The following GIT1 variants were observed in gnomAD, a reference collection of about 807,000 sequenced individuals.
The protein encoded by GIT1 is GIT ArfGAP 1, also known as ARF GTPase-activating protein GIT1.
A neutral mutation model predicts 91.7 loss-of-function variants in GIT1; 14 were observed. The ratio of observed to expected loss-of-function variants is 0.15; its 90% CI spans 0.10 to 0.24. GIT1 has a LOEUF of 0.24. Ranked by LOEUF, GIT1 falls within the 10% of genes least tolerant of loss-of-function variation. GIT1 has a pLI of 1.00. For synonymous variants in GIT1, 414 were observed against 418.2 expected, an observed-to-expected ratio of 0.99 and a Z score of 0.12; for missense variants, 717 against 1,024.9, an observed-to-expected ratio of 0.70 and a Z score of 4.10.
Position 29,589,282 on chromosome 17 carries a change from G to C in GIT1, c.52+45C>G. On this transcript the variant is annotated intron_variant, in intron 1 of 19. Coordinates refer to ENST00000225394, the MANE Select transcript of GIT1 (RefSeq NM_014030.4). This position sits in a 1 kb window ranked among gnomAD's most constrained non-coding sequence, Gnocchi z 5.2. ...TGCCAGGCCCCGGCGCCCGCCCGGCGGCGGCCTGGCTGTGCGGTCCCGCCC... is the reference window on the plus strand; with the variant it reads ...TGCCAGGCCCCGGCGCCCGCCCGGCCGCGGCCTGGCTGTGCGGTCCCGCCC... The C allele has an allele frequency of 1.1e-6, 1 of 903,772 alleles. No homozygotes were observed. Among genetic ancestry groups the C allele is most frequent in the African/African-American group, 1.8e-5 (1 of 55,196 alleles). The allele number at this position is 903,772 out of a possible 1,614,324, so 56.0% of individuals were successfully genotyped here.
In GIT1 at chr17:29,575,782, C is replaced by A. The variant is rs981847487; in HGVS notation, c.1752+30G>T. On this transcript the variant is annotated intron_variant, in intron 16 of 19. Transcript: ENST00000225394. The surrounding 1 kb of genome is among the most constrained non-coding windows in gnomAD (Gnocchi z 5.5). The stretch of plus-strand genomic sequence containing the variant: ...CCCTAGCCCACACGGCCCCCAGCCA[C>A]CCTGTGGGCACTGGGCATGGAAACA... 6.2e-7 allele frequency: 1 copy of A among 1,609,366 alleles called. No homozygotes were observed. Among genetic ancestry groups the A allele is most frequent in the African/African-American group, 1.3e-5 (1 of 74,818 alleles).
At chr17:29,577,798 G>T in intron 9 of GIT1, 56 bp from the exon 10 acceptor site, 1 of 1,083,384 alleles carries the variant, frequency 9.2e-7, no homozygotes, top group Non-Finnish European at 1.4e-6. Context: ...CCAAGGTGGG[G>T]GTGGGGAAGC....
intron 9 of GIT1, 112 bp downstream of exon 9, chr17:29,578,187 C>A (rs2033278503): frequency 3.4e-6 from 3 of 873,934 alleles, no homozygotes; most frequent in Middle Eastern, 2.2e-4. Context: ...CATCTGCAGG[C>A]CTCTGAGCAG....
In GIT1 at chr17:29,574,482, G is replaced by A; in HGVS notation, c.*220C>T. On this transcript the variant is annotated 3_prime_UTR_variant, in exon 20 of 20. Transcript: ENST00000225394. ...GGGAGATGCTATATACAGAGGGGAG[G>A]TGCATGGAATGTGGGGGACAGAAGC... 1.6e-6 allele frequency: 1 copy of A among 614,502 alleles called. No homozygotes were observed. Among genetic ancestry groups the A allele is most frequent in the Middle Eastern group, 3.5e-4 (1 of 2,882 alleles). The allele number at this position is 614,502 out of a possible 1,614,324, so 38.1% of individuals were successfully genotyped here.
intron 1 of GIT1, among the ~76,000 whole-genome samples, chr17:29,587,692 T>A (rs895319872): frequency 6.6e-6 from 1 of 152,094 alleles, no homozygotes; most frequent in East Asian, 1.9e-4. Flanking sequence ...CCATTTCTAC[T>A]CCAACTTCTT....
rs773309128 is a variant in GIT1 at position 29,576,990 on chromosome 17, A to G, written c.1100T>C (p.Leu367Pro). 8.5e-5 allele frequency: 137 copies of G among 1,603,224 alleles called. 2 individuals are homozygous for G. The Middle Eastern group carries it at 3.5e-3, about 41-fold the overall frequency. Residue 367 changes from leucine to proline, a missense_variant, in exon 12 of 20, where the codon CTC becomes CCC. Coordinates refer to ENST00000225394, the MANE Select transcript of GIT1 (RefSeq NM_014030.4). ...GKSLSSPTDN[L>P]ELSLRSQSDL... ...ACTCTGGCTCCGCAGAGACAGCTCG[A>G]GGTTGTCTGAGGACACAGGAGTGTC...
At chr17:29,584,446 A>G (rs960360575) in intron 1 of GIT1, among the ~76,000 whole-genome samples, 1 of 152,138 alleles carries the variant, frequency 6.6e-6, no homozygotes, top group African/African-American at 2.4e-5. Context: ...AACTTGGGAG[A>G]AGAAGCAGGG....
intron 4 of GIT1, among the ~76,000 whole-genome samples, 161 bp downstream of exon 4, chr17:29,582,537 G>A (rs1054292463): frequency 6.6e-6 from 1 of 152,158 alleles, no homozygotes; most frequent in African/African-American, 2.4e-5. Context: ...AGCCACACAC[G>A]GCCTGACCCA....
chr17:29,587,007 A>C (rs2033614850), intron 1 of GIT1, among the ~76,000 whole-genome samples: 1 of 152,154 alleles, frequency 6.6e-6, no homozygotes, highest in African/African-American at 2.4e-5. Flanking sequence ...GACAGGCTGC[A>C]TCTCACCTCT....
intron 1 of GIT1, among the ~76,000 whole-genome samples, chr17:29,586,674 C>A (rs1351795006): frequency 6.6e-6 from 1 of 152,218 alleles, no homozygotes; most frequent in Admixed American, 6.5e-5. Context: ...ACAGGACAGG[C>A]ATCTTGAGGC....
chr17:29,587,879 A>C (rs1294367770), intron 1 of GIT1, among the ~76,000 whole-genome samples: 1 of 152,040 alleles, frequency 6.6e-6, no homozygotes, highest in Non-Finnish European at 1.5e-5. Context: ...AACAGTGGGG[A>C]GACATTTATA....
At chr17:29,586,147 C>T (rs904101839) in intron 1 of GIT1, among the ~76,000 whole-genome samples, 1 of 152,108 alleles carries the variant, frequency 6.6e-6, no homozygotes, top group African/African-American at 2.4e-5. Context: ...CTGGGGTGCA[C>T]GGACTGGGAG....
chr17:29,583,124 C>T (rs111250803), intron 2 of GIT1, 87 bp from the exon 3 acceptor site: 29 of 904,048 alleles, frequency 3.2e-5, no homozygotes, highest in Admixed American at 1.1e-4. Context: ...CTGTGGCTGG[C>T]GTAGCTGGAA....
Position 29,581,218 on chromosome 17 carries a change from A to G in GIT1, c.761+120T>C. On this transcript the variant is annotated intron_variant, in intron 7 of 19. Coordinates refer to ENST00000225394, the MANE Select transcript of GIT1 (RefSeq NM_014030.4). This position sits in a 1 kb window ranked among gnomAD's most constrained non-coding sequence, Gnocchi z 4.8. ...GGACTGAGGACTAAGCTGTGCCTCT[A>G]GTCTCTGGGGGGAGGGAGCAGGGTC... is the stretch of plus-strand genomic sequence containing the variant. The G allele has an allele frequency of 2.6e-6, 2 of 757,996 alleles. No homozygotes were observed. The highest frequency in any genetic ancestry group is 1.4e-5 in the South Asian group (1 of 70,210). The allele number at this position is 757,996 out of a possible 1,614,324, so 47.0% of individuals were successfully genotyped here.
Position 29,589,477 on chromosome 17 carries a change from C to T in GIT1, c.-99G>A. On this transcript the variant is annotated 5_prime_UTR_variant, in exon 1 of 20. Transcript: ENST00000225394. This position sits in a 1 kb window ranked among gnomAD's most constrained non-coding sequence, Gnocchi z 5.2. The stretch of plus-strand genomic sequence containing the variant: ...CGGCCCCTGCTGCCCGGCCCGGCTC[C>T]GGCGAGGCCCCGGCGAGGCTCCGCG... The T allele has an allele frequency of 2.8e-6, 1 of 363,018 alleles. No homozygotes were observed. Among genetic ancestry groups the T allele is most frequent in the African/African-American group, 2.2e-5 (1 of 44,770 alleles). 22.5% of individuals were successfully genotyped at this position (363,018 alleles called of 1,614,324 possible). A position where few individuals can be genotyped will look rare whatever the true frequency, so the allele number is the denominator to read the frequency against.
At chr17:29,576,836 G>C in intron 12 of GIT1, 27 bp downstream of exon 12, 1 of 1,577,630 alleles carries the variant, frequency 6.3e-7, no homozygotes, top group Non-Finnish European at 8.6e-7. Flanking sequence ...GGGCACAGGG[G>C]AGTGGGAAGG....
At position 29,577,141 on chromosome 17, in the gene GIT1, G is replaced by A. The variant is rs2033239407; in HGVS notation, c.1088C>T (p.Pro363Leu). The A allele has an allele frequency of 6.2e-7, 1 of 1,613,326 alleles. No individual in the cohort carries two copies. Among genetic ancestry groups the A allele is most frequent in the African/African-American group, 1.3e-5 (1 of 74,902 alleles). The change falls in exon 11 of 20, where the codon CCC (proline) becomes CTC (leucine). Residue 363 changes from proline (P) to leucine (L), a missense_variant. Pro to Leu is a moderately conservative substitution (Grantham distance 98). Transcript: ENST00000225394. ...RRQQGKSLSS[P>L]TDNLELSLRS... ...CTCCCACACAACCCTCCCACCTGTG[G>A]GGCTGCTCAGGCTCTTGCCCTGCTG...
Position 29,575,320 on chromosome 17 carries a change from C to T in GIT1, c.1977G>A (p.Leu659=), listed in dbSNP as rs1368855392. ...TEQVTKNIQE[L]LRAAQEFKHD... is the part of the protein sequence containing the mutation. ...GCTTGAACTCCTGGGCTGCCCGCAA[C>T]AGTTCCTGAATGTTCTTGGTGACCT... The change falls in exon 18 of 20, where the codon CTG becomes CTA. Residue 659 remains leucine, a synonymous_variant. Transcript: ENST00000225394. This position sits in a 1 kb window ranked among gnomAD's most constrained non-coding sequence, Gnocchi z 5.5. The T allele has an allele frequency of 6.2e-7, 1 of 1,613,464 alleles. No individual in the cohort carries two copies.
chr17:29,581,971 A>T lies in GIT1; in HGVS notation c.579T>A (p.Pro193=), dbSNP rs763348330. ...AELLVVYGAD[P]GSPDVNGRTP... is the part of the protein sequence containing the mutation. The stretch of plus-strand genomic sequence containing the variant: ...TGCGGCCATTAACATCAGGGGAGCC[A>T]GGGTCAGCCCCATACACTACAAGCA... Residue 193 remains proline, a synonymous_variant, in exon 5 of 20, where the codon CCT becomes CCA. Transcript: ENST00000225394. The surrounding 1 kb of genome is among the most constrained non-coding windows in gnomAD (Gnocchi z 4.8). 5.7e-6 allele frequency: 9 copies of T among 1,585,094 alleles called. No homozygotes were observed. The highest frequency in any genetic ancestry group is 7.7e-6 in the Non-Finnish European group (9 of 1,164,664).
Sources: gnomAD v4.1 joint callset for allele counts (sites outside exome capture counted in the v4.1 genomes callset) on GRCh38, gnomAD v4.1.1 for gene constraint, Gnocchi (gnomAD v3.1) non-coding constraint, MANE v1.5 for transcripts, NCBI Gene and HGNC (gene_info 2026-07-23, HGNC 2026-07-21) for gene names.